The following SNCAIP variants were observed in gnomAD, a reference collection of about 807,000 sequenced individuals.
SNCAIP encodes synuclein alpha interacting protein, also known as synphilin-1.
A neutral mutation model predicts 86.7 loss-of-function variants in SNCAIP; 43 were observed. That is an observed-to-expected ratio of 0.50 (90% CI 0.39 to 0.64). The LOEUF (loss-of-function observed/expected upper bound fraction) is 0.64. SNCAIP is among the 30% of genes least tolerant of loss of function. SNCAIP has a pLI of 0.00. For missense variants in SNCAIP, 981 were observed against 1,103.1 expected (o/e 0.89, Z 1.57); for synonymous variants, 417 against 427.2 (o/e 0.98, Z 0.29).
chr5:122,338,866 T>A (rs1757012030), intron 1 of SNCAIP, among the ~76,000 whole-genome samples: 1 of 152,142 alleles, frequency 6.6e-6, no homozygotes, highest in Non-Finnish European at 1.5e-5. Flanking sequence ...GGGCTGTAAT[T>A]AATATATTAA....
chr5:122,436,560 A>G (rs1231134911), intron 6 of SNCAIP: 1 of 152,224 alleles, frequency 6.6e-6, no homozygotes, highest in Admixed American at 6.5e-5. Context: ...ATATCTTACA[A>G]TACATGAAAT....
chr5:122,438,939 T>A (rs1780165631), intron 6 of SNCAIP, among the ~76,000 whole-genome samples: 1 of 152,206 alleles, frequency 6.6e-6, no homozygotes, highest in Admixed American at 6.5e-5. Context: ...CCATAATCTA[T>A]CCTCTTGCAG....
chr5:122,431,996 A>C lies in SNCAIP; in HGVS notation c.1210A>C (p.Met404Leu). ...TGGTCAGTTGGAGTGCGTACGCTGGATGGTGAGCGAAACAGAAGCCATTGC... is the reference window on the plus strand; with the variant it reads ...TGGTCAGTTGGAGTGCGTACGCTGGCTGGTGAGCGAAACAGAAGCCATTGC... The part of the protein sequence containing the change: ...KNGQLECVRW[M>L]VSETEAIAEL... The change falls in exon 6 of 11, where the codon ATG becomes CTG. Residue 404 changes from methionine to leucine, a missense_variant. Coordinates refer to ENST00000261368, the MANE Select transcript of SNCAIP (RefSeq NM_005460.4). 6.3e-7 allele frequency: 1 copy of C among 1,598,676 alleles called. No homozygotes were observed. Among genetic ancestry groups the C allele is most frequent in the Non-Finnish European group, 8.6e-7 (1 of 1,166,248 alleles).
intron 8 of SNCAIP, among the ~76,000 whole-genome samples, chr5:122,448,005 T>C (rs1431724000): frequency 6.6e-6 from 1 of 152,192 alleles, no homozygotes; most frequent in Non-Finnish European, 1.5e-5. Context: ...AGTGATGAAA[T>C]GTTTGGACTA....
In SNCAIP at chr5:122,338,179, G is replaced by A. The variant is rs561588957; in HGVS notation, c.-47+25895G>A. On this transcript the variant is annotated intron_variant, in intron 1 of 10. Coordinates refer to ENST00000261368, the MANE Select transcript of SNCAIP (RefSeq NM_005460.4). ...GATTTCACCAACGGTTAAATAGAAC[G>A]GATACTTCTGCATGATTAATGCAGT... 2.2e-4 allele frequency among the ~76,000 whole-genome samples: 34 copies of A among 152,168 alleles called. 1 individual carries two copies. In the South Asian group the frequency reaches 6.9e-3, roughly 31 times the overall value.
At chr5:122,383,148 A>C (rs9716452) in intron 1 of SNCAIP, among the ~76,000 whole-genome samples, 29,966 of 152,038 alleles carry the variant, frequency 0.2, 3,729 homozygotes, top group African/African-American at 0.35. Flanking sequence ...GCCTCGCTGC[A>C]GCCTTGCAGT....
chr5:122,433,283 A>G (rs1778770541), intron 6 of SNCAIP, among the ~76,000 whole-genome samples: 1 of 151,994 alleles, frequency 6.6e-6, no homozygotes. Context: ...ACCCTGTGAG[A>G]GCTTGTTGTG....
intron 5 of SNCAIP, 30 bp downstream of exon 5, chr5:122,425,561 G>C (rs760807412): frequency 6.3e-7 from 1 of 1,578,842 alleles, no homozygotes; most frequent in Non-Finnish European, 8.7e-7. Flanking sequence ...AACCTCCACA[G>C]CTAGAAGCTG....
At chr5:122,452,712 T>C (rs1783949693) in intron 10 of SNCAIP, among the ~76,000 whole-genome samples, 1 of 152,182 alleles carries the variant, frequency 6.6e-6, no homozygotes, top group South Asian at 2.1e-4. Flanking sequence ...AAAACTTAAG[T>C]CACTCAGATC....
At chr5:122,417,333 C>T (rs541032015) in intron 3 of SNCAIP, among the ~76,000 whole-genome samples, 1 of 152,108 alleles carries the variant, frequency 6.6e-6, no homozygotes, top group South Asian at 2.1e-4. Flanking sequence ...GTGAGTCATT[C>T]AGAATAAAGA....
chr5:122,368,764 T>G (rs1763677760), intron 1 of SNCAIP, among the ~76,000 whole-genome samples: 1 of 152,178 alleles, frequency 6.6e-6, no homozygotes, highest in Non-Finnish European at 1.5e-5. Context: ...CAATTACCAT[T>G]TAATTGCTCT....
At chr5:122,331,329 C>T (rs1755298158) in intron 1 of SNCAIP, among the ~76,000 whole-genome samples, 1 of 152,170 alleles carries the variant, frequency 6.6e-6, no homozygotes, top group South Asian at 2.1e-4. Context: ...GTCCCTTTTA[C>T]TATTCACTAT....
At chr5:122,359,459 G>T (rs1045889788) in intron 1 of SNCAIP, among the ~76,000 whole-genome samples, 1 of 151,700 alleles carries the variant, frequency 6.6e-6, no homozygotes, top group African/African-American at 2.4e-5. Context: ...TGCCTCCTGG[G>T]TTCAAATGAT....
At chr5:122,367,730 G>A (rs965502976) in intron 1 of SNCAIP, among the ~76,000 whole-genome samples, 3 of 152,054 alleles carry the variant, frequency 2.0e-5, no homozygotes, top group Admixed American at 6.6e-5. Context: ...AGCAGAAAGC[G>A]CCTGTATTAC....
intron 1 of SNCAIP, among the ~76,000 whole-genome samples, chr5:122,329,434 T>A (rs1026304945): frequency 3.9e-5 from 6 of 152,164 alleles, no homozygotes; most frequent in Non-Finnish European, 8.8e-5. Flanking sequence ...TTGCCTTATT[T>A]AGTTGTTAAA....
intron 1 of SNCAIP, among the ~76,000 whole-genome samples, chr5:122,387,467 T>C (rs1284054558): frequency 6.6e-6 from 1 of 152,216 alleles, no homozygotes; most frequent in Non-Finnish European, 1.5e-5. Flanking sequence ...TAAAGGATTT[T>C]AAGCTGGCCT....
Position 122,331,014 on chromosome 5 carries a change from G to A in SNCAIP, c.-47+18730G>A, listed in dbSNP as rs370016177. Among the ~76,000 whole-genome samples the A allele has an allele frequency of 8.6e-5, 13 of 152,044 alleles. No homozygotes were observed. In the East Asian group the frequency reaches 2.1e-3, roughly 25 times the overall value. The stretch of plus-strand genomic sequence containing the variant: ...CCTAGATCCCTCACATGTGCAGTTC[G>A]CAATAGGATTCATGCTCCTATGAGA... On this transcript the variant is annotated intron_variant, in intron 1 of 10. Coordinates refer to ENST00000261368, the MANE Select transcript of SNCAIP (RefSeq NM_005460.4).
intron 1 of SNCAIP, among the ~76,000 whole-genome samples, chr5:122,340,668 A>C (rs1382098206): frequency 6.6e-6 from 1 of 152,232 alleles, no homozygotes; most frequent in Non-Finnish European, 1.5e-5. Flanking sequence ...TTGACATTGC[A>C]TACTATCCTA....
intron 9 of SNCAIP, among the ~76,000 whole-genome samples, chr5:122,450,196 C>T (rs1026671062): frequency 6.6e-6 from 1 of 152,074 alleles, no homozygotes; most frequent in African/African-American, 2.4e-5. Context: ...TTGAATCTTT[C>T]AATTCTTCAT....
Sources: allele counts gnomAD v4.1 joint callset (sites outside exome capture counted in the v4.1 genomes callset), GRCh38; gene constraint gnomAD v4.1.1; transcripts MANE v1.5; gene names NCBI Gene and HGNC (gene_info 2026-07-23, HGNC 2026-07-21).